The following FNDC3B variants were observed in gnomAD, a reference collection of about 807,000 sequenced individuals.
FNDC3B encodes fibronectin type III domain-containing protein 3B.
FNDC3B carries 12 observed loss-of-function variants against 151.5 expected under a neutral mutation model. The observed-to-expected ratio is 0.08, with a 90% CI of 0.05 to 0.13. The LOEUF is 0.13. FNDC3B is among the 10% of genes least tolerant of loss of function. The pLI is 1.00. For synonymous variants in FNDC3B, 528 were observed against 549.0 expected (o/e 0.96, Z 0.54); for missense variants, 1,214 against 1,505.3 (o/e 0.81, Z 3.20).
At chr3:172,287,233 G>A (rs559808619) in intron 7 of FNDC3B, among the ~76,000 whole-genome samples, 1 of 152,248 alleles carries the variant, frequency 6.6e-6, no homozygotes, top group South Asian at 2.1e-4. Flanking sequence ...GTCTTTCCCG[G>A]TCTGTGGTTT....
At chr3:172,127,958 G>A (rs1183779459) in intron 2 of FNDC3B, among the ~76,000 whole-genome samples, 2 of 152,194 alleles carry the variant, frequency 1.3e-5, no homozygotes, top group African/African-American at 4.8e-5. Flanking sequence ...ACACCCGGCC[G>A]AGGATACAGC....
chr3:172,108,369 A>G (rs1719778818), intron 1 of FNDC3B, among the ~76,000 whole-genome samples: 1 of 152,208 alleles, frequency 6.6e-6, no homozygotes, highest in African/African-American at 2.4e-5. Flanking sequence ...CGCAATCATT[A>G]CAAACAAATA....
intron 1 of FNDC3B, among the ~76,000 whole-genome samples, chr3:172,110,399 A>T (rs1037019533): frequency 1.3e-5 from 2 of 152,124 alleles, no homozygotes; most frequent in Non-Finnish European, 2.9e-5. Flanking sequence ...AGACAGCTTC[A>T]GCCCAAAGCA....
intron 1 of FNDC3B, among the ~76,000 whole-genome samples, chr3:172,069,181 G>A (rs1717647622): frequency 1.3e-5 from 2 of 152,160 alleles, no homozygotes; most frequent in African/African-American, 4.8e-5. Context: ...TTTCGCCAGG[G>A]CTTCCAGTCA....
chr3:172,330,489 C>T, intron 12 of FNDC3B, 52 bp from the exon 13 acceptor site: 3 of 1,510,784 alleles, frequency 2.0e-6, no homozygotes, highest in East Asian at 2.3e-5. Context: ...TTTTAAAATG[C>T]CAAGCCTCTT....
At chr3:172,104,416 T>C (rs1216202085) in intron 1 of FNDC3B, among the ~76,000 whole-genome samples, 6 of 151,806 alleles carry the variant, frequency 4.0e-5, no homozygotes, top group South Asian at 2.1e-4. Context: ...TTTTTTTTTT[T>C]CCAAAGTTTT....
chr3:172,311,286 T>C (rs1731466413), intron 11 of FNDC3B, among the ~76,000 whole-genome samples: 1 of 152,230 alleles, frequency 6.6e-6, no homozygotes, highest in Non-Finnish European at 1.5e-5. Flanking sequence ...ATGCCATGTA[T>C]GTACTTTGGT....
intron 25 of FNDC3B, among the ~76,000 whole-genome samples, chr3:172,385,641 G>C (rs1188778520): frequency 5.3e-5 from 8 of 151,352 alleles, no homozygotes; most frequent in African/African-American, 1.9e-4. Flanking sequence ...TCACTGCAAG[G>C]TCTGCCTCCC....
At chr3:172,308,839 C>A (rs1367679528) in intron 10 of FNDC3B, among the ~76,000 whole-genome samples, 1 of 152,084 alleles carries the variant, frequency 6.6e-6, no homozygotes, top group South Asian at 2.1e-4. Context: ...AAAATGTGCT[C>A]TATATTTACA....
At chr3:172,131,098 C>G (rs943988750) in intron 2 of FNDC3B, among the ~76,000 whole-genome samples, 10 of 152,108 alleles carry the variant, frequency 6.6e-5, no homozygotes, top group Admixed American at 1.3e-4. Context: ...AGCTCCTTTT[C>G]AAGAAAACAA....
In FNDC3B at chr3:172,184,124, A is replaced by G. The variant is rs77381121; in HGVS notation, c.188-42747A>G. On this transcript the variant is annotated intron_variant, in intron 3 of 25. Coordinates refer to ENST00000415807, the MANE Select transcript of FNDC3B (RefSeq NM_022763.4). ...AATATTAAGTAATTTGCCTGCAGCT[A>G]TTAAGAGCTATGAAGTGATGGGGTG... 2.8e-3 allele frequency: 424 copies of G among 152,358 alleles called. 4 individuals are homozygous for G. The highest frequency in any genetic ancestry group is 9.5e-3 in the African/African-American group (396 of 41,576). 9.4% of individuals were successfully genotyped at this position (152,358 alleles called of 1,614,324 possible).
chr3:172,130,368 A>G (rs1215828056), intron 2 of FNDC3B, among the ~76,000 whole-genome samples: 1 of 152,188 alleles, frequency 6.6e-6, no homozygotes, highest in South Asian at 2.1e-4. Context: ...AACTTGGTAG[A>G]TTATAATCTG....
In FNDC3B at chr3:172,107,029, G is replaced by A. The variant is rs142350778; in HGVS notation, c.-28-5423G>A. ...CAGAGTGTCCTGCCCCAAACCCTGC[G>A]TTTGAGCTCAGGGATTGTTGGAAAT... On this transcript the variant is annotated intron_variant, in intron 1 of 25. Transcript: ENST00000415807. 7.4e-3 allele frequency among the ~76,000 whole-genome samples: 1,126 copies of A among 152,222 alleles called. 8 individuals are homozygous for A. The highest frequency in any genetic ancestry group is 0.013 in the Non-Finnish European group (868 of 68,016).
At chr3:172,186,161 T>C (rs1361558025) in intron 3 of FNDC3B, among the ~76,000 whole-genome samples, 1 of 152,204 alleles carries the variant, frequency 6.6e-6, no homozygotes, top group Non-Finnish European at 1.5e-5. Context: ...CACTCCCTTC[T>C]TCCATCAGTA....
intron 3 of FNDC3B, chr3:172,148,493 A>G (rs1722031585): frequency 6.6e-6 from 1 of 152,166 alleles, no homozygotes; most frequent in Non-Finnish European, 1.5e-5. Flanking sequence ...TTCAAAATAG[A>G]TAGGACTCCA....
intron 3 of FNDC3B, among the ~76,000 whole-genome samples, chr3:172,177,626 C>CTTTTTGTTTTTTTTTTTT (rs1723666899): frequency 1.2e-5 from 1 of 84,820 alleles, no homozygotes; most frequent in Non-Finnish European, 2.2e-5. Context: ...TTACCACCAT[C>CTTTTTGTTTTTTTTTTTT]TTTTTTTTTT....
chr3:172,343,399 C>G (rs1733439992), intron 18 of FNDC3B, among the ~76,000 whole-genome samples: 1 of 152,124 alleles, frequency 6.6e-6, no homozygotes, highest in South Asian at 2.1e-4. Context: ...GGGAGTATTT[C>G]AAGAACAGCC....
At chr3:172,248,384 C>A (rs1439808965) in intron 5 of FNDC3B, among the ~76,000 whole-genome samples, 1 of 152,096 alleles carries the variant, frequency 6.6e-6, no homozygotes, top group Non-Finnish European at 1.5e-5. Context: ...CAAATACTTA[C>A]CTGGATATGA....
At chr3:172,229,021 T>A (rs1367655975) in intron 4 of FNDC3B, among the ~76,000 whole-genome samples, 1 of 151,926 alleles carries the variant, frequency 6.6e-6, no homozygotes, top group Non-Finnish European at 1.5e-5. Flanking sequence ...GTCTTAGTTG[T>A]CTTGTTATCA....
Sources: gnomAD v4.1 joint callset for allele counts (sites outside exome capture counted in the v4.1 genomes callset) on GRCh38, gnomAD v4.1.1 for gene constraint, MANE v1.5 for transcripts, NCBI Gene and HGNC (gene_info 2026-07-23, HGNC 2026-07-21) for gene names.